Variants in SI observed in about 807,000 individuals in gnomAD.
The protein encoded by SI is sucrase-isomaltase.
In SI, 235 loss-of-function variants were observed where a neutral mutation model predicts 253.3. The ratio of observed to expected loss-of-function variants is 0.93; its 90% CI spans 0.83 to 1.03. SI has a LOEUF of 1.03. Ranked by LOEUF, SI falls within the 50% of genes least tolerant of loss-of-function variation. The pLI, the probability that SI is intolerant of heterozygous loss-of-function variation, is 0.00. For synonymous variants in SI, 819 were observed against 712.0 expected (o/e 1.15, Z -2.39); for missense variants, 2,442 against 2,211.1 (o/e 1.10, Z -2.09).
chr3:165,001,956 T>G (rs2108145654), intron 37 of SI, among the ~76,000 whole-genome samples: 1 of 151,668 alleles, frequency 6.6e-6, no homozygotes, highest in African/African-American at 2.4e-5. Context: ...CAAAAATAAT[T>G]TATAAATATT....
intron 37 of SI, among the ~76,000 whole-genome samples, chr3:165,004,895 T>G (rs996198541): frequency 3.3e-5 from 5 of 152,120 alleles, no homozygotes; most frequent in Non-Finnish European, 5.9e-5. Flanking sequence ...TCCCCACCTG[T>G]CAAGGGAGCG....
chr3:164,998,518 A>G, intron 38 of SI, 22 bp downstream of exon 38: 1 of 1,610,608 alleles, frequency 6.2e-7, no homozygotes, highest in Non-Finnish European at 8.5e-7. Context: ...AAATAATAAT[A>G]AAGATGGTGA....
At chr3:165,070,269 A>G (rs1714481181) in intron 3 of SI, among the ~76,000 whole-genome samples, 1 of 142,318 alleles carries the variant, frequency 7.0e-6, no homozygotes, top group Non-Finnish European at 1.5e-5. Context: ...TAATAAATAT[A>G]CATATATGAT....
chr3:165,073,337 A>G (rs1714721984), intron 3 of SI, among the ~76,000 whole-genome samples: 1 of 152,008 alleles, frequency 6.6e-6, no homozygotes, highest in South Asian at 2.1e-4. Context: ...AAGAAGGTTA[A>G]GTAAAGAGAA....
chr3:165,072,844 T>TTTG (rs58300458), intron 3 of SI, among the ~76,000 whole-genome samples: 88,473 of 151,668 alleles, frequency 0.58, 26,150 homozygotes, highest in East Asian at 0.81. Flanking sequence ...TTAAAATCAT[T>TTTG]TTAAGTTGCA....
In SI at chr3:165,019,731, C is replaced by G. The variant is rs1175340152; in HGVS notation, c.3294G>C (p.Gln1098His). ...SWLPGFAFND[Q>H]FIQISTRLPS... ...GCAGGCGAGTCGATATTTGAATGAA[C>G]TGGTCATTAAAAGCAAATCCAGGCA... The change falls in exon 28 of 48, where the codon CAG (glutamine) becomes CAC (histidine). Residue 1098 changes from glutamine to histidine, a missense_variant. Physicochemically the swap from Gln to His is conservative, Grantham distance 24 (BLOSUM62 0). Coordinates refer to ENST00000264382, the MANE Select transcript of SI (RefSeq NM_001041.4). 1.9e-6 allele frequency: 3 copies of G among 1,612,450 alleles called. No individual in the cohort carries two copies. The highest frequency in any genetic ancestry group is 2.2e-5 in the East Asian group (1 of 44,812).
In SI at chr3:165,063,434, A is replaced by T. The variant is rs747786973; in HGVS notation, c.907+8T>A. 1 of 1,209,676 alleles carries T rather than the reference A, an allele frequency of 8.3e-7. No individual in the cohort carries two copies. The highest frequency in any genetic ancestry group is 1.2e-5 in the South Asian group (1 of 81,326). The allele number at this position is 1,209,676 out of a possible 1,614,324, so 74.9% of individuals were successfully genotyped here. ...CTATAAATATATTATCAAATGAATT[A>T]TTCTTACCCATTGCATTGCTATTCA... is the stretch of plus-strand genomic sequence containing the variant. On this transcript the variant is annotated splice_region_variant and intron_variant, in intron 8 of 47. Transcript: ENST00000264382.
chr3:165,040,923 T>C lies in SI; in HGVS notation c.2159+17A>G. 1.3e-6 allele frequency: 2 copies of C among 1,582,854 alleles called. No individual in the cohort carries two copies. Among genetic ancestry groups the C allele is most frequent in the South Asian group, 1.1e-5 (1 of 90,458 alleles). On this transcript the variant is annotated intron_variant, in intron 18 of 47. Coordinates refer to ENST00000264382, the MANE Select transcript of SI (RefSeq NM_001041.4). ...ACTTTAAAAGGTATTATTATAATTA[T>C]TGTACGTAGTACTCACTCATGAAGA...
chr3:164,987,949 A>G (rs558181741), intron 44 of SI, among the ~76,000 whole-genome samples: 1 of 152,284 alleles, frequency 6.6e-6, no homozygotes, highest in African/African-American at 2.4e-5. Context: ...CCATACATAA[A>G]TCATGGAGTT....
At chr3:164,988,592 G>A (rs1344876124) in intron 44 of SI, among the ~76,000 whole-genome samples, 2 of 152,264 alleles carry the variant, frequency 1.3e-5, no homozygotes, top group East Asian at 3.9e-4. Flanking sequence ...AATATTAGTA[G>A]AAATGGACCT....
upstream of SI, among the ~76,000 whole-genome samples, chr3:165,081,277 T>G (rs1715313199): frequency 6.6e-6 from 1 of 151,982 alleles, no homozygotes; most frequent in East Asian, 1.9e-4. Context: ...ACTTTAAAAC[T>G]TCATAAGCAA....
In SI at chr3:164,982,290, T is replaced by C; in HGVS notation, c.5368A>G (p.Asn1790Asp). The change falls in exon 47 of 48, where the codon AAC (asparagine) becomes GAC (aspartate). Residue 1790 changes from asparagine to aspartate, a missense_variant. Physicochemically the swap from Asn to Asp is conservative, Grantham distance 23 (BLOSUM62 1). Transcript: ENST00000264382. ...AAAGGAAGCGAATTTTTATTTCCGT[T>C]ATACGTTAGAGTAACTGCATTGACA... ...TPVNAVTLTY[N>D]GNKNSLPFNE... 1 of 1,613,202 alleles carries C rather than the reference T, an allele frequency of 6.2e-7. No homozygotes were observed. The highest frequency in any genetic ancestry group is 8.5e-7 in the Non-Finnish European group (1 of 1,179,500).
chr3:164,988,390 C>T (rs1347134218), intron 44 of SI, among the ~76,000 whole-genome samples: 5 of 152,120 alleles, frequency 3.3e-5, no homozygotes, highest in African/African-American at 1.2e-4. Context: ...GCTTAACCTG[C>T]AATTTCCCAA....
the SI span, among the ~76,000 whole-genome samples, chr3:165,089,859 A>G: frequency 6.6e-6 from 1 of 152,002 alleles, no homozygotes; most frequent in Non-Finnish European, 1.5e-5. Context: ...ACCTTATAAC[A>G]TTGGAGCTCA....
At chr3:165,068,672 C>A (rs374128454) in intron 5 of SI, 50 bp downstream of exon 5, 30 of 1,345,616 alleles carry the variant, frequency 2.2e-5, no homozygotes, top group Non-Finnish European at 3.1e-5. Flanking sequence ...CGCGCCCAGC[C>A]CATCAAATGT....
chr3:165,089,068 C>CTTTTCTT, the SI span, among the ~76,000 whole-genome samples: 2 of 122,850 alleles, frequency 1.6e-5, no homozygotes, highest in South Asian at 5.8e-4. Context: ...TTTTTACGGC[C>CTTTTCTT]TTTTCTTTTT....
At chr3:165,074,911 T>C (rs1714852342) in intron 2 of SI, among the ~76,000 whole-genome samples, 1 of 151,970 alleles carries the variant, frequency 6.6e-6, no homozygotes, top group Admixed American at 6.6e-5. Flanking sequence ...AAATACAAAA[T>C]ATATTTACAA....
intron 34 of SI, 39 bp from the exon 35 acceptor site, chr3:165,009,434 T>C (rs762217013): frequency 9.5e-7 from 1 of 1,054,844 alleles, no homozygotes; most frequent in African/African-American, 1.6e-5. Flanking sequence ...TGGAAAGTCT[T>C]AAGAGAGATT....
intron 23 of SI, 96 bp downstream of exon 23, chr3:165,033,299 A>C: frequency 9.3e-7 from 1 of 1,080,436 alleles, no homozygotes; most frequent in Non-Finnish European, 1.2e-6. Flanking sequence ...ATCTGTAGGC[A>C]AATGTAAACA....
Sources: allele counts gnomAD v4.1 joint callset (sites outside exome capture counted in the v4.1 genomes callset), GRCh38; gene constraint gnomAD v4.1.1; transcripts MANE v1.5; gene names NCBI Gene and HGNC (gene_info 2026-07-23, HGNC 2026-07-21).